Variants in RBFOX1 observed in about 807,000 individuals in gnomAD.
RBFOX1 encodes the protein RNA binding fox-1 homolog 1, also known as RNA binding protein fox-1 homolog 1.
A neutral mutation model predicts 57.7 loss-of-function variants in RBFOX1; 8 were observed. The ratio of observed to expected loss-of-function variants is 0.14; its 90% CI spans 0.08 to 0.25. The LOEUF is 0.25. RBFOX1 is among the 10% of genes least tolerant of loss of function. The pLI is 1.00. For missense variants in RBFOX1, 611 were observed against 548.5 expected, an observed-to-expected ratio of 1.11 and a Z score of -1.14; for synonymous variants, 326 against 222.4, an observed-to-expected ratio of 1.47 and a Z score of -4.15.
chr16:7,637,232 G>A (rs936468165), intron 11 of RBFOX1, among the ~76,000 whole-genome samples: 4 of 148,896 alleles, frequency 2.7e-5, no homozygotes, highest in Admixed American at 1.3e-4. Context: ...ATTAATTATC[G>A]TTTCCCCTGA....
chr16:6,778,598 C>G (rs1007728550), intron 3 of RBFOX1, among the ~76,000 whole-genome samples: 3 of 152,038 alleles, frequency 2.0e-5, no homozygotes, highest in Admixed American at 1.3e-4. Context: ...GAAATCCAAA[C>G]GAGGACTATA....
At chr16:6,297,099 T>C (rs575816317) in intron 1 of RBFOX1, among the ~76,000 whole-genome samples, 1 of 152,290 alleles carries the variant, frequency 6.6e-6, no homozygotes, top group African/African-American at 2.4e-5. Flanking sequence ...TAAACTGTCA[T>C]GGTGCTGGTG....
chr16:6,650,866 C>T (rs549226541), intron 2 of RBFOX1, among the ~76,000 whole-genome samples: 1 of 152,128 alleles, frequency 6.6e-6, no homozygotes. Flanking sequence ...GACTTAACCA[C>T]AATGGAGTCC....
At chr16:7,341,385 A>G (rs990440001) in intron 4 of RBFOX1, among the ~76,000 whole-genome samples, 4 of 152,196 alleles carry the variant, frequency 2.6e-5, no homozygotes, top group Admixed American at 6.5e-5. Context: ...TGATTTATCA[A>G]TCATAGATTT....
At chr16:6,289,795 A>C (rs1218552079) in intron 1 of RBFOX1, among the ~76,000 whole-genome samples, 1 of 152,184 alleles carries the variant, frequency 6.6e-6, no homozygotes, top group Admixed American at 6.5e-5. Context: ...TGAATGTAGT[A>C]AGGAGTTAAG....
At chr16:6,431,723 G>T (rs896099843) in intron 2 of RBFOX1, among the ~76,000 whole-genome samples, 3 of 152,038 alleles carry the variant, frequency 2.0e-5, no homozygotes, top group Non-Finnish European at 4.4e-5. Context: ...ACTTCCAATG[G>T]GGTGCTCCTG....
chr16:7,488,984 A>T (rs1483157490), intron 4 of RBFOX1, among the ~76,000 whole-genome samples: 6 of 152,176 alleles, frequency 3.9e-5, no homozygotes, highest in Middle Eastern at 3.4e-3. Context: ...CTATGCCTCT[A>T]ATCTCTCTAT....
At chr16:6,874,171 T>C (rs1269424761) in intron 3 of RBFOX1, among the ~76,000 whole-genome samples, 2 of 77,616 alleles carry the variant, frequency 2.6e-5, no homozygotes, top group Admixed American at 1.4e-4. Flanking sequence ...AAAGAAACTA[T>C]GGTGTGTGCA....
At chr16:5,903,709 A>G (rs917319985) in intron 4 of RBFOX1, among the ~76,000 whole-genome samples, 2 of 152,100 alleles carry the variant, frequency 1.3e-5, no homozygotes, top group Non-Finnish European at 2.9e-5. Flanking sequence ...ATGTGACCCC[A>G]TTTCACCACT....
chr16:7,688,668 T>G (rs1333302190), intron 14 of RBFOX1, among the ~76,000 whole-genome samples: 1 of 151,990 alleles, frequency 6.6e-6, no homozygotes, highest in African/African-American at 2.4e-5. Flanking sequence ...CAGGACTAAT[T>G]TAAGTGTACC....
intron 3 of RBFOX1, among the ~76,000 whole-genome samples, chr16:7,036,056 A>G (rs12447743): frequency 0.49 from 74,463 of 151,678 alleles, 19,515 homozygotes; most frequent in South Asian, 0.63. Flanking sequence ...AATCAGCAAT[A>G]GAAAAGACCT....
intron 1 of RBFOX1, among the ~76,000 whole-genome samples, chr16:5,454,844 T>TC (rs1567534626): frequency 8.2e-4 from 87 of 105,646 alleles, no homozygotes; most frequent in African/African-American, 1.1e-3. Context: ...TTCTTTCCTT[T>TC]CTTTCTTTCT....
intron 4 of RBFOX1, among the ~76,000 whole-genome samples, chr16:5,875,244 A>G (rs571397849): frequency 6.6e-6 from 1 of 152,260 alleles, no homozygotes; most frequent in South Asian, 2.1e-4. Context: ...TGTTACAGAC[A>G]AAAAAACTGA....
chr16:6,489,550 C>A (rs1043212939), intron 2 of RBFOX1, among the ~76,000 whole-genome samples: 9 of 152,094 alleles, frequency 5.9e-5, no homozygotes, highest in East Asian at 5.8e-4. Context: ...GTGTTCCTAG[C>A]CATTTTCTCA....
intron 3 of RBFOX1, among the ~76,000 whole-genome samples, chr16:6,662,133 G>A (rs920279329): frequency 1.6e-3 from 31 of 19,578 alleles, no homozygotes; most frequent in East Asian, 0.015. Context: ...GGCTGGGGGC[G>A]GGGTGAAAAA....
At chr16:7,316,541 A>G (rs972506428) in intron 4 of RBFOX1, among the ~76,000 whole-genome samples, 7 of 152,188 alleles carry the variant, frequency 4.6e-5, no homozygotes, top group Non-Finnish European at 2.9e-5. Flanking sequence ...AGGGATACAG[A>G]CAAGGAAAGC....
At chr16:6,040,763 T>G (rs2095428140) in intron 1 of RBFOX1, among the ~76,000 whole-genome samples, 1 of 151,934 alleles carries the variant, frequency 6.6e-6, no homozygotes, top group Non-Finnish European at 1.5e-5. Flanking sequence ...CCTGGCAAAT[T>G]TTTTGTATTT....
At chr16:6,313,593 A>T (rs60140993) in intron 1 of RBFOX1, among the ~76,000 whole-genome samples, 2,237 of 152,246 alleles carry the variant, frequency 0.015, 58 homozygotes, top group African/African-American at 0.048. Flanking sequence ...ATCCATTTGG[A>T]TGGAGTGCAT....
At chr16:6,277,196 C>G (rs778487229) in intron 1 of RBFOX1, among the ~76,000 whole-genome samples, 1 of 152,074 alleles carries the variant, frequency 6.6e-6, no homozygotes, top group East Asian at 1.9e-4. Context: ...CACAGTGGCT[C>G]ACACCTGTAA....
Sources: allele counts gnomAD v4.1 joint callset (sites outside exome capture counted in the v4.1 genomes callset), GRCh38; gene constraint gnomAD v4.1.1; transcripts MANE v1.5; gene names NCBI Gene and HGNC (gene_info 2026-07-23, HGNC 2026-07-21).